The following SENP7 variants were observed in gnomAD, a reference collection of about 807,000 sequenced individuals.
The protein encoded by SENP7 is SUMO specific peptidase 7, also known as sentrin-specific protease 7.
In SENP7, 64 loss-of-function variants were observed where a neutral mutation model predicts 141.2. That is an observed-to-expected ratio of 0.45 (90% CI 0.37 to 0.56). The LOEUF is 0.56. SENP7 is among the 20% of genes least tolerant of loss of function. The probability of loss-of-function intolerance (pLI) is 0.00; values close to 1 mark genes in which losing one functional copy is unlikely to be tolerated. For missense variants in SENP7, 1,025 were observed against 1,212.2 expected (o/e 0.85, Z 2.29); for synonymous variants, 382 against 426.4 (o/e 0.90, Z 1.28).
At chr3:101,492,177 C>T (rs1046097153) in intron 3 of SENP7, among the ~76,000 whole-genome samples, 13 of 151,746 alleles carry the variant, frequency 8.6e-5, no homozygotes, top group African/African-American at 3.1e-4. Context: ...GTGGGAGGTT[C>T]ACCTAAGCAA....
chr3:101,343,869 T>A lies in SENP7; in HGVS notation c.1923A>T (p.Glu641Asp), dbSNP rs2059389013. 1 of 1,613,336 alleles carries A rather than the reference T, an allele frequency of 6.2e-7. No individual in the cohort carries two copies. The highest frequency in any genetic ancestry group is 1.7e-5 in the Admixed American group (1 of 59,972). The change falls in exon 14 of 24, where the codon GAA becomes GAT. Residue 641 changes from glutamate to aspartate, a missense_variant. Around this residue, in one of 4 missense-constraint regions of SENP7, gnomAD observed 228 missense variants for 228.5 expected, o/e 1.00. Coordinates refer to ENST00000394095, the MANE Select transcript of SENP7 (RefSeq NM_020654.5). ...EELKLKDIMT[E>D]ISIISGELEL... ...CTAATTCTCCACTGATTATACTTAT[T>A]TCCGTCATAATATCTTTCAGCTTCA...
At position 101,417,660 on chromosome 3, in the gene SENP7, A is replaced by T. The variant is rs1344517692; in HGVS notation, c.415T>A (p.Ser139Thr). Reference protein sequence around the residue: ...KVQSDSLPSTSVDSLETCQKL... With the variant: ...KVQSDSLPSTTVDSLETCQKL... ...TGACATGTCTCTAGGCTGTCAACAG[A>T]TGTCGAAGGCAATGAGTCTGATTGC... Residue 139 changes from serine (S) to threonine (T), a missense_variant, in exon 5 of 24, where the codon TCT (serine) becomes ACT (threonine). By Grantham distance (58) the Ser-to-Thr change is moderately conservative. Transcript: ENST00000394095. The T allele has an allele frequency of 6.2e-7, 1 of 1,613,878 alleles. No individual in the cohort carries two copies. The highest frequency in any genetic ancestry group is 8.5e-7 in the Non-Finnish European group (1 of 1,179,862).
chr3:101,494,486 T>G (rs528431578), intron 2 of SENP7, among the ~76,000 whole-genome samples: 1 of 152,240 alleles, frequency 6.6e-6, no homozygotes, highest in East Asian at 1.9e-4. Context: ...TCCCACAATC[T>G]AGAATGCTCT....
intron 3 of SENP7, among the ~76,000 whole-genome samples, chr3:101,464,340 T>A (rs4683846): frequency 1.3e-5 from 2 of 151,940 alleles, no homozygotes; most frequent in Non-Finnish European, 2.9e-5. Context: ...TATTGGTCCA[T>A]GGCCTGTTAG....
chr3:101,441,558 A>G (rs1331709779), intron 4 of SENP7, among the ~76,000 whole-genome samples: 1 of 151,838 alleles, frequency 6.6e-6, no homozygotes, highest in African/African-American at 2.4e-5. Flanking sequence ...GCCCAAGTAC[A>G]CTGCCAATGC....
At chr3:101,469,196 C>G (rs1005615606) in intron 3 of SENP7, among the ~76,000 whole-genome samples, 1 of 152,094 alleles carries the variant, frequency 6.6e-6, no homozygotes, top group Admixed American at 6.6e-5. Flanking sequence ...AATAAAGGAG[C>G]ACCCAGATTC....
chr3:101,454,014 A>C (rs952367791), intron 4 of SENP7, among the ~76,000 whole-genome samples: 6 of 152,210 alleles, frequency 3.9e-5, no homozygotes, highest in Admixed American at 2.6e-4. Flanking sequence ...AAAGAAAAGA[A>C]AGAGAGAGGA....
intron 10 of SENP7, among the ~76,000 whole-genome samples, chr3:101,362,848 G>A (rs1206670932): frequency 1.3e-5 from 2 of 152,068 alleles, no homozygotes; most frequent in African/African-American, 4.8e-5. Context: ...ATATAACTTT[G>A]CTTTTAAATT....
At chr3:101,395,495 A>G (rs2060941274) in intron 6 of SENP7, among the ~76,000 whole-genome samples, 1 of 152,138 alleles carries the variant, frequency 6.6e-6, no homozygotes, top group African/African-American at 2.4e-5. Context: ...CCGTTGGCCT[A>G]TGGGTCTGTT....
At chr3:101,442,948 C>A (rs1004432550) in intron 4 of SENP7, among the ~76,000 whole-genome samples, 2 of 152,040 alleles carry the variant, frequency 1.3e-5, no homozygotes, top group Non-Finnish European at 2.9e-5. Context: ...ATGGGCAAAG[C>A]GAAAGAAAAC....
At chr3:101,476,049 C>T (rs1437600514) in intron 3 of SENP7, among the ~76,000 whole-genome samples, 3 of 152,108 alleles carry the variant, frequency 2.0e-5, no homozygotes, top group Non-Finnish European at 4.4e-5. Flanking sequence ...ACTCTTCTCA[C>T]GAGCACAAAG....
rs58844573 is a variant in SENP7 at position 101,380,445 on chromosome 3, C to CCCCCACA, written c.678-8320_678-8319insTGTGGGG. The stretch of plus-strand genomic sequence containing the variant: ...GTAAAGCAAACCACCGCCCCCCCCC[C>CCCCCACA]CACACACACACACAAAACAAAACAT... On this transcript the variant is annotated intron_variant, in intron 6 of 23. Transcript: ENST00000394095. Among the ~76,000 whole-genome samples the CCCCCACA allele has an allele frequency of 2.5e-3, 318 of 128,648 alleles. 14 individuals are homozygous for CCCCCACA. Among genetic ancestry groups the CCCCCACA allele is most frequent in the East Asian group, 5.3e-3 (22 of 4,152 alleles). 84.4% of individuals were successfully genotyped at this position (128,648 alleles called of 152,430 possible).
chr3:101,333,136 T>C (rs188420225), intron 17 of SENP7: 225 of 369,472 alleles, frequency 6.1e-4, no homozygotes, highest in Non-Finnish European at 1.1e-4. Context: ...CAACTTAGTA[T>C]AAACACAGTT....
intron 10 of SENP7, among the ~76,000 whole-genome samples, chr3:101,362,560 C>T (rs2059929669): frequency 6.6e-6 from 1 of 152,054 alleles, no homozygotes; most frequent in Non-Finnish European, 1.5e-5. Context: ...TTCTATTGAA[C>T]CTGTCACCCA....
chr3:101,348,625 C>T (rs897713680), intron 12 of SENP7, among the ~76,000 whole-genome samples: 1 of 152,076 alleles, frequency 6.6e-6, no homozygotes, highest in Non-Finnish European at 1.5e-5. Context: ...TCAAAAGAGT[C>T]TCAAGAAAAT....
In SENP7 at chr3:101,398,171, C is replaced by T. The variant is rs763238139; in HGVS notation, c.677+690G>A. Among the ~76,000 whole-genome samples the T allele has an allele frequency of 5.3e-5, 8 of 152,112 alleles. No homozygotes were observed. In the South Asian group the frequency reaches 6.2e-4, roughly 12 times the overall value. ...TTCTAGAGTCTGAATATAAAAATAACGGACAAGGCCGGGGGCAGTGGCTCA... is the reference window on the plus strand; with the variant it reads ...TTCTAGAGTCTGAATATAAAAATAATGGACAAGGCCGGGGGCAGTGGCTCA... On this transcript the variant is annotated intron_variant, in intron 6 of 23. Coordinates refer to ENST00000394095, the MANE Select transcript of SENP7 (RefSeq NM_020654.5).
chr3:101,505,512 ATGTT>A (rs1411337643), intron 1 of SENP7, among the ~76,000 whole-genome samples: 1 of 151,980 alleles, frequency 6.6e-6, no homozygotes, highest in Non-Finnish European at 1.5e-5. Context: ...CCAAATATTT[ATGTT>A]TTTTTCTTCT....
intron 5 of SENP7, among the ~76,000 whole-genome samples, chr3:101,413,879 A>T (rs532392748): frequency 2.6e-5 from 4 of 152,336 alleles, no homozygotes; most frequent in Admixed American, 6.5e-5. Context: ...GAGATAAGCA[A>T]AGGCGAGATC....
At chr3:101,477,930 A>G (rs1559886095) in intron 3 of SENP7, among the ~76,000 whole-genome samples, 1 of 152,062 alleles carries the variant, frequency 6.6e-6, no homozygotes, top group Non-Finnish European at 1.5e-5. Context: ...AAAATATAAT[A>G]CAAAGAATCA....
Sources: gnomAD v4.1 joint callset for allele counts (sites outside exome capture counted in the v4.1 genomes callset) on GRCh38, gnomAD v4.1.1 for gene constraint, gnomAD v4.1.1 regional missense constraint, MANE v1.5 for transcripts, NCBI Gene and HGNC (gene_info 2026-07-23, HGNC 2026-07-21) for gene names.